The following PPARA variants were observed in gnomAD, a reference collection of about 807,000 sequenced individuals.
PPARA encodes peroxisome proliferator-activated receptor alpha.
A neutral mutation model predicts 42.2 loss-of-function variants in PPARA; 22 were observed. The ratio of observed to expected loss-of-function variants is 0.52; its 90% CI spans 0.37 to 0.74. The LOEUF (loss-of-function observed/expected upper bound fraction) is 0.74. PPARA is among the 30% of genes least tolerant of loss of function. The pLI is 0.00. For synonymous variants in PPARA, 242 were observed against 239.3 expected, an observed-to-expected ratio of 1.01 and a Z score of -0.10; for missense variants, 465 against 608.2, an observed-to-expected ratio of 0.76 and a Z score of 2.48.
rs928461229 is a variant in PPARA at position 46,227,818 on chromosome 22, T to A, written c.712-3974T>A. On this transcript the variant is annotated intron_variant, in intron 7 of 8. Transcript: ENST00000407236. The surrounding 1 kb of genome is among the most constrained non-coding windows in gnomAD (Gnocchi z 4.3). ...ATATATTCATAGTCAAGCTTGAGTA[T>A]AAAAGGCATATTCCAAAGTTAAATA... 6.6e-6 allele frequency among the ~76,000 whole-genome samples: 1 copy of A among 152,232 alleles called. No individual in the cohort carries two copies. Among genetic ancestry groups the A allele is most frequent in the African/African-American group, 2.4e-5 (1 of 41,454 alleles).
Position 46,187,565 on chromosome 22 carries a change from C to G in PPARA, c.-43+10729C>G, listed in dbSNP as rs1026357414. ...GAGTTGTGCTGCTTCTAGTCTTGTT[C>G]CCTTTGAATCTGGATTCCTTCTTGC... On this transcript the variant is annotated intron_variant, in intron 3 of 8. Transcript: ENST00000407236. The surrounding 1 kb of genome is among the most constrained non-coding windows in gnomAD (Gnocchi z 4.9). Among the ~76,000 whole-genome samples, 1 of 152,196 alleles carries G rather than the reference C, an allele frequency of 6.6e-6. No homozygotes were observed. Among genetic ancestry groups the G allele is most frequent in the African/African-American group, 2.4e-5 (1 of 41,452 alleles).
At chr22:46,155,201 T>C (rs1772411236) in intron 2 of PPARA, 1 of 152,144 alleles carries the variant, frequency 6.6e-6, no homozygotes, top group African/African-American at 2.4e-5. Context: ...ATGTTTGTAC[T>C]AATTTTGTCA....
rs969118343 is a variant in PPARA at position 46,193,221 on chromosome 22, C to A, written c.-42-5121C>A. Among the ~76,000 whole-genome samples, 3 of 152,138 alleles carry A rather than the reference C, an allele frequency of 2.0e-5. No individual in the cohort carries two copies. Among genetic ancestry groups the A allele is most frequent in the Admixed American group, 2.0e-4 (3 of 15,272 alleles). On this transcript the variant is annotated intron_variant, in intron 3 of 8. Coordinates refer to ENST00000407236, the MANE Select transcript of PPARA (RefSeq NM_005036.6). This position sits in a 1 kb window ranked among gnomAD's most constrained non-coding sequence, Gnocchi z 5.3. ...AGCTGGGATTATGGGCACGCGCCAC[C>A]ACACCTGGCTAATGTTTGTATTTTT...
Position 46,167,661 on chromosome 22 carries a change from G to A in PPARA, c.-126-9092G>A, listed in dbSNP as rs774480767. The stretch of plus-strand genomic sequence containing the variant: ...AGAGAGACCGTGTGTTAAAAAAAGA[G>A]TTAAAACTATAAAACCTTCAGAAGA... On this transcript the variant is annotated intron_variant, in intron 2 of 8. Transcript: ENST00000407236. This position sits in a 1 kb window ranked among gnomAD's most constrained non-coding sequence, Gnocchi z 4.1. 6.6e-6 allele frequency among the ~76,000 whole-genome samples: 1 copy of A among 151,942 alleles called. No individual in the cohort carries two copies. Among genetic ancestry groups the A allele is most frequent in the African/African-American group, 2.4e-5 (1 of 41,368 alleles).
rs1237645922 is a variant in PPARA at position 46,227,974 on chromosome 22, G to A, written c.712-3818G>A. 2.0e-5 allele frequency among the ~76,000 whole-genome samples: 3 copies of A among 152,204 alleles called. No individual in the cohort carries two copies. The East Asian group carries it at 5.8e-4, about 29-fold the overall frequency. ...TTTAATAAACATTGGTTTCTTCATG[G>A]TACCACTCATTTTGAATTCAGTGGT... On this transcript the variant is annotated intron_variant, in intron 7 of 8. Coordinates refer to ENST00000407236, the MANE Select transcript of PPARA (RefSeq NM_005036.6). This position sits in a 1 kb window ranked among gnomAD's most constrained non-coding sequence, Gnocchi z 4.3.
rs148275961 is a variant in PPARA, at chr22:46,212,308, C to T, written c.209-2865C>T. Among the ~76,000 whole-genome samples the T allele has an allele frequency of 1.6e-3, 249 of 152,286 alleles. 4 individuals carry two copies. In the East Asian group the frequency reaches 0.036, roughly 22 times the overall value. ...CTGAGCTCAAGTTATCTGCCAGCCT[C>T]GGCCTCCCAAAGTGCTGGGATGACA... On this transcript the variant is annotated intron_variant, in intron 4 of 8. Coordinates refer to ENST00000407236, the MANE Select transcript of PPARA (RefSeq NM_005036.6). The surrounding 1 kb of genome is among the most constrained non-coding windows in gnomAD (Gnocchi z 4.2).
At chr22:46,185,916 AATATATATAT>A (rs59733161) in intron 3 of PPARA, among the ~76,000 whole-genome samples, 16 of 25,310 alleles carry the variant, frequency 6.3e-4, no homozygotes, top group Admixed American at 2.4e-3. Flanking sequence ...AAAAAAAAAA[AATATATATAT>A]ATATATATAT....
In PPARA at chr22:46,163,822, A is replaced by T. The variant is rs566199240; in HGVS notation, c.-127+11852A>T. On this transcript the variant is annotated intron_variant, in intron 2 of 8. Transcript: ENST00000407236. This position sits in a 1 kb window ranked among gnomAD's most constrained non-coding sequence, Gnocchi z 4.9. ...GCTTTCCCCCATGGGAGTGACAAGG[A>T]TGTGTCCCGCCAGCCTTCCACGACG... 1 of 152,266 alleles carries T rather than the reference A, an allele frequency of 6.6e-6. No homozygotes were observed. The highest frequency in any genetic ancestry group is 1.5e-5 in the Non-Finnish European group (1 of 68,104). The allele number at this position is 152,266 out of a possible 1,614,324, so 9.4% of individuals were successfully genotyped here.
Position 46,189,319 on chromosome 22 carries a change from G to A in PPARA, c.-42-9023G>A, listed in dbSNP as rs145739327. ...ATAGTGTGAACTTTGTGTAAAGTCC[G>A]TAGGGAGTTTTCTTGGAAATGGCTG... On this transcript the variant is annotated intron_variant, in intron 3 of 8. Transcript: ENST00000407236. Among the ~76,000 whole-genome samples, 1,219 of 152,350 alleles carry A rather than the reference G, an allele frequency of 8.0e-3. 25 individuals are homozygous for A. The highest frequency in any genetic ancestry group is 0.028 in the African/African-American group (1,147 of 41,588).
chr22:46,228,253 C>T (rs1381945652), intron 7 of PPARA, among the ~76,000 whole-genome samples: 1 of 152,172 alleles, frequency 6.6e-6, no homozygotes, highest in African/African-American at 2.4e-5. Context: ...CAAGGGGTCC[C>T]GCAGTGTGTG....
chr22:46,224,989 C>T lies in PPARA; in HGVS notation c.711+4975C>T, dbSNP rs1348148166. Among the ~76,000 whole-genome samples, 3 of 135,362 alleles carry T rather than the reference C, an allele frequency of 2.2e-5. No homozygotes were observed. Among genetic ancestry groups the T allele is most frequent in the Non-Finnish European group, 4.7e-5 (3 of 64,092 alleles). The allele number at this position is 135,362 out of a possible 152,430, so 88.8% of individuals were successfully genotyped here. On this transcript the variant is annotated intron_variant, in intron 7 of 8. Coordinates refer to ENST00000407236, the MANE Select transcript of PPARA (RefSeq NM_005036.6). This position sits in a 1 kb window ranked among gnomAD's most constrained non-coding sequence, Gnocchi z 5.7. ...AGAATGCTGGGGGGGGGCCTGAAAC[C>T]GGTGGGGGAGTTGTGGGAGGCCTAG...
At position 46,161,499 on chromosome 22, in the gene PPARA, T is replaced by C. The variant is rs1364543056; in HGVS notation, c.-127+9529T>C. ...TACTCGGGAGGCTGAGGCAGGAGAA[T>C]CACTTGAACCCGGGAGGCGGAGGCT... On this transcript the variant is annotated intron_variant, in intron 2 of 8. Coordinates refer to ENST00000407236, the MANE Select transcript of PPARA (RefSeq NM_005036.6). The surrounding 1 kb of genome is among the most constrained non-coding windows in gnomAD (Gnocchi z 4.8). Among the ~76,000 whole-genome samples the C allele has an allele frequency of 6.6e-6, 1 of 152,030 alleles. No individual in the cohort carries two copies. Among genetic ancestry groups the C allele is most frequent in the African/African-American group, 2.4e-5 (1 of 41,376 alleles).
chr22:46,205,554 ATTTTTTTTTT>A (rs1322589111), intron 4 of PPARA, among the ~76,000 whole-genome samples: 1 of 12,930 alleles, frequency 7.7e-5, no homozygotes, highest in Non-Finnish European at 1.5e-4. Context: ...ATATATATAT[ATTTTTTTTTT>A]TTTTTTTTTT....
rs1284239753 is a variant in PPARA, at chr22:46,191,849, C to T, written c.-42-6493C>T. On this transcript the variant is annotated intron_variant, in intron 3 of 8. Transcript: ENST00000407236. The surrounding 1 kb of genome is among the most constrained non-coding windows in gnomAD (Gnocchi z 4.6). ...TTGGGAGGCTGAGGCGGGCAGATCA[C>T]GAGGTCAAGAGATCAAGACCATCCT... 4.6e-5 allele frequency among the ~76,000 whole-genome samples: 7 copies of T among 152,288 alleles called. No individual in the cohort carries two copies. The highest frequency in any genetic ancestry group is 2.6e-4 in the Admixed American group (4 of 15,282).
Position 46,173,397 on chromosome 22 carries a change from C to G in PPARA, c.-126-3356C>G, listed in dbSNP as rs528112470. ...GAGGCTGGGAGCCTATTTAAGCACC[C>G]AGCTTCAGGATGGGACATGGGATAT... On this transcript the variant is annotated intron_variant, in intron 2 of 8. Transcript: ENST00000407236. The surrounding 1 kb of genome is among the most constrained non-coding windows in gnomAD (Gnocchi z 4.3). Among the ~76,000 whole-genome samples the G allele has an allele frequency of 2.0e-5, 3 of 152,298 alleles. No homozygotes were observed. Among genetic ancestry groups the G allele is most frequent in the African/African-American group, 7.2e-5 (3 of 41,566 alleles).
intron 6 of PPARA, among the ~76,000 whole-genome samples, chr22:46,218,819 G>GT: frequency 6.8e-6 from 1 of 147,414 alleles, no homozygotes; most frequent in South Asian, 2.1e-4. Flanking sequence ...GGGCGACAGA[G>GT]GGAGATTCCG....
Position 46,162,014 on chromosome 22 carries a change from C to A in PPARA, c.-127+10044C>A, listed in dbSNP as rs1220125013. 6.6e-6 allele frequency among the ~76,000 whole-genome samples: 1 copy of A among 152,192 alleles called. No individual in the cohort carries two copies. Among genetic ancestry groups the A allele is most frequent in the Non-Finnish European group, 1.5e-5 (1 of 68,026 alleles). On this transcript the variant is annotated intron_variant, in intron 2 of 8. Coordinates refer to ENST00000407236, the MANE Select transcript of PPARA (RefSeq NM_005036.6). This position sits in a 1 kb window ranked among gnomAD's most constrained non-coding sequence, Gnocchi z 6.0. The stretch of plus-strand genomic sequence containing the variant: ...TGTCCTGCGTTTTCCCCTCCCCTCA[C>A]CCTGGCGACCCTTTTCGGTCTCAGT...
At position 46,196,235 on chromosome 22, in the gene PPARA, A is replaced by G. The variant is rs1379080991; in HGVS notation, c.-42-2107A>G. The stretch of plus-strand genomic sequence containing the variant: ...CCGCTGCTTTGTCACTTATACCCCT[A>G]TGGAAATGCCGTTCGCTTTGCTAGT... On this transcript the variant is annotated intron_variant, in intron 3 of 8. Coordinates refer to ENST00000407236, the MANE Select transcript of PPARA (RefSeq NM_005036.6). This position sits in a 1 kb window ranked among gnomAD's most constrained non-coding sequence, Gnocchi z 5.6. Among the ~76,000 whole-genome samples, 1 of 152,194 alleles carries G rather than the reference A, an allele frequency of 6.6e-6. No homozygotes were observed. Among genetic ancestry groups the G allele is most frequent in the African/African-American group, 2.4e-5 (1 of 41,440 alleles).
intron 7 of PPARA, 50 bp downstream of exon 7, chr22:46,220,064 T>C (rs569284977): frequency 1.3e-5 from 21 of 1,587,610 alleles, no homozygotes; most frequent in Non-Finnish European, 1.7e-5. Context: ...GGAACCAGTG[T>C]CGTAGAGGAC....
Sources: gnomAD v4.1 joint callset for allele counts (sites outside exome capture counted in the v4.1 genomes callset) on GRCh38, gnomAD v4.1.1 for gene constraint, Gnocchi (gnomAD v3.1) non-coding constraint, MANE v1.5 for transcripts, NCBI Gene and HGNC (gene_info 2026-07-23, HGNC 2026-07-21) for gene names.